ZFHX3: variants seen among roughly 807,000 people sequenced by gnomAD.
ZFHX3 encodes zinc finger homeobox protein 3.
A neutral mutation model predicts 279.1 loss-of-function variants in ZFHX3; 42 were observed. The ratio of observed to expected loss-of-function variants is 0.15; its 90% CI spans 0.12 to 0.19. The LOEUF (loss-of-function observed/expected upper bound fraction) is 0.19. Among genes scored for constraint, ZFHX3 ranks in the 10% least tolerant of loss-of-function variants. The pLI is 1.00. For synonymous variants in ZFHX3, 2,293 were observed against 1,957.8 expected, an observed-to-expected ratio of 1.17 and a Z score of -4.52; for missense variants, 4,981 against 4,754.0, an observed-to-expected ratio of 1.05 and a Z score of -1.40.
intron 7 of ZFHX3, among the ~76,000 whole-genome samples, chr16:72,810,278 C>T (rs1010896696): frequency 3.9e-5 from 6 of 152,184 alleles, no homozygotes; most frequent in Non-Finnish European, 7.4e-5. Flanking sequence ...CTCTGCCTCC[C>T]GGGTTCAAGT....
intron 3 of ZFHX3, among the ~76,000 whole-genome samples, chr16:72,935,067 A>G (rs1194314264): frequency 6.6e-6 from 1 of 152,246 alleles, no homozygotes; most frequent in Non-Finnish European, 1.5e-5. Context: ...AATATACAGA[A>G]TATCTAGCTA....
chr16:72,934,444 A>G (rs1225039763), intron 3 of ZFHX3, among the ~76,000 whole-genome samples: 3 of 152,340 alleles, frequency 2.0e-5, no homozygotes, highest in Non-Finnish European at 4.4e-5. Flanking sequence ...AAAACAGAGT[A>G]GTATCCACAA....
At chr16:73,240,802 A>G (rs1020534828) in intron 5 of ZFHX3, among the ~76,000 whole-genome samples, 1 of 152,208 alleles carries the variant, frequency 6.6e-6, no homozygotes, top group Non-Finnish European at 1.5e-5. Context: ...ATAATGAGGT[A>G]ATACATACTA....
chr16:72,911,455 C>T (rs144991881), intron 3 of ZFHX3, among the ~76,000 whole-genome samples: 29 of 152,216 alleles, frequency 1.9e-4, no homozygotes, highest in African/African-American at 7.0e-4. Flanking sequence ...CTTTTTCCTT[C>T]GGAAAACTTA....
At chr16:73,307,547 G>C (rs1597275430) in intron 4 of ZFHX3, among the ~76,000 whole-genome samples, 1 of 152,174 alleles carries the variant, frequency 6.6e-6, no homozygotes, top group South Asian at 2.1e-4. Context: ...GCCAAGTCAA[G>C]GTTAACTTCA....
At chr16:72,875,323 C>A (rs1052048278) in intron 4 of ZFHX3, among the ~76,000 whole-genome samples, 1 of 152,218 alleles carries the variant, frequency 6.6e-6, no homozygotes, top group Admixed American at 6.5e-5. Context: ...CCTTTCCCAG[C>A]GGGGAGACCT....
At chr16:73,878,384 C>A (rs1209842605) in intron 1 of ZFHX3, among the ~76,000 whole-genome samples, 1 of 152,006 alleles carries the variant, frequency 6.6e-6, no homozygotes, top group Non-Finnish European at 1.5e-5. Context: ...AGGGGTTCAG[C>A]CAAGAAGAAC....
At chr16:73,250,518 C>T (rs1318653826) in intron 5 of ZFHX3, among the ~76,000 whole-genome samples, 1 of 152,070 alleles carries the variant, frequency 6.6e-6, no homozygotes, top group Non-Finnish European at 1.5e-5. Flanking sequence ...TGTCAACATT[C>T]ATTTTATTTT....
At chr16:73,868,887 A>C (rs1227651144) in intron 1 of ZFHX3, among the ~76,000 whole-genome samples, 2 of 152,136 alleles carry the variant, frequency 1.3e-5, no homozygotes, top group African/African-American at 2.4e-5. Context: ...AAGGCTTTAA[A>C]GCAGCTATTG....
rs532224433 is a variant in ZFHX3 at position 72,851,103 on chromosome 16, T to C, written c.3449-21244A>G. Among the ~76,000 whole-genome samples, 8 of 152,250 alleles carry C rather than the reference T, an allele frequency of 5.3e-5. No individual in the cohort carries two copies. The South Asian group carries it at 1.7e-3, about 32-fold the overall frequency. On this transcript the variant is annotated intron_variant, in intron 4 of 9. Transcript: ENST00000268489. ...TTATAAATAGAAAGTGCCATTTTTTTCCACATGGAACGTCATCACTTCCAT... is the reference window on the plus strand; with the variant it reads ...TTATAAATAGAAAGTGCCATTTTTTCCCACATGGAACGTCATCACTTCCAT...
intron 1 of ZFHX3, among the ~76,000 whole-genome samples, chr16:73,786,691 G>C (rs1003693587): frequency 1.3e-5 from 2 of 152,178 alleles, no homozygotes; most frequent in African/African-American, 4.8e-5. Context: ...TTCCATGGGT[G>C]CCTGATACCC....
At chr16:72,816,996 C>G (rs958540734) in intron 5 of ZFHX3, among the ~76,000 whole-genome samples, 5 of 152,164 alleles carry the variant, frequency 3.3e-5, no homozygotes, top group African/African-American at 1.2e-4. Context: ...GGGAAGAGAG[C>G]TGATAAGCAT....
intron 2 of ZFHX3, among the ~76,000 whole-genome samples, chr16:73,543,664 AG>A (rs1322351117): frequency 1.3e-5 from 2 of 152,268 alleles, no homozygotes; most frequent in East Asian, 3.9e-4. Flanking sequence ...CTCTCACCTC[AG>A]GGTCCGATAT....
chr16:73,687,236 A>G (rs1362489666), intron 1 of ZFHX3, among the ~76,000 whole-genome samples: 1 of 150,344 alleles, frequency 6.7e-6, no homozygotes, highest in African/African-American at 2.4e-5. Flanking sequence ...AAAAAAAAGT[A>G]CAAAAATTAG....
chr16:72,986,632 A>G (rs1355106872), intron 1 of ZFHX3, among the ~76,000 whole-genome samples: 1 of 152,140 alleles, frequency 6.6e-6, no homozygotes, highest in African/African-American at 2.4e-5. Flanking sequence ...AAGTTATTGA[A>G]TTATCGGCAC....
chr16:73,066,638 C>T (rs1359868234), intron 8 of ZFHX3, among the ~76,000 whole-genome samples: 1 of 152,174 alleles, frequency 6.6e-6, no homozygotes, highest in Non-Finnish European at 1.5e-5. Flanking sequence ...CCCATTATGC[C>T]CCTGCGGATG....
At chr16:73,306,719 C>G (rs2015189545) in intron 4 of ZFHX3, among the ~76,000 whole-genome samples, 1 of 152,204 alleles carries the variant, frequency 6.6e-6, no homozygotes, top group African/African-American at 2.4e-5. Flanking sequence ...AGTGTAAGAT[C>G]AAGGCCAATT....
chr16:73,417,939 A>G (rs1231913392), intron 3 of ZFHX3, among the ~76,000 whole-genome samples: 2 of 141,754 alleles, frequency 1.4e-5, no homozygotes, highest in Non-Finnish European at 3.0e-5. Flanking sequence ...CAGTGAGCTG[A>G]GATCGCGCCA....
intron 1 of ZFHX3, among the ~76,000 whole-genome samples, chr16:73,830,371 C>T (rs1223676541): frequency 1.3e-5 from 2 of 151,738 alleles, no homozygotes; most frequent in African/African-American, 2.4e-5. Context: ...TCTTCTGCGT[C>T]GCTCACGCTG....
Sources: allele counts gnomAD v4.1 joint callset (sites outside exome capture counted in the v4.1 genomes callset), GRCh38; gene constraint gnomAD v4.1.1; transcripts MANE v1.5; gene names NCBI Gene and HGNC (gene_info 2026-07-23, HGNC 2026-07-21).